SLC28A3: variants seen among roughly 807,000 people sequenced by gnomAD.
SLC28A3 encodes solute carrier family 28 member 3, also known as concentrative Na(+)-nucleoside cotransporter 3.
In SLC28A3, 68 loss-of-function variants were observed where a neutral mutation model predicts 84.2. The observed-to-expected ratio is 0.81, with a 90% CI of 0.66 to 0.99. The LOEUF is 0.99. SLC28A3 is among the 50% of genes least tolerant of loss of function. SLC28A3 has a pLI of 0.00. For missense variants in SLC28A3, 712 were observed against 841.5 expected (o/e 0.85, Z 1.90); for synonymous variants, 267 against 303.6 (o/e 0.88, Z 1.25).
At chr9:84,301,746 A>G (rs527640361) in intron 5 of SLC28A3, among the ~76,000 whole-genome samples, 3 of 152,236 alleles carry the variant, frequency 2.0e-5, no homozygotes, top group Non-Finnish European at 4.4e-5. Flanking sequence ...GTTGTTCCCT[A>G]TCTTGTGCCA....
chr9:84,322,613 G>T (rs905678551), intron 1 of SLC28A3, among the ~76,000 whole-genome samples: 1 of 152,160 alleles, frequency 6.6e-6, no homozygotes, highest in Non-Finnish European at 1.5e-5. Context: ...GGGAGGCTGA[G>T]GTGGGAGGAT....
chr9:84,283,930 A>T (rs2118075434), intron 14 of SLC28A3, among the ~76,000 whole-genome samples: 1 of 152,252 alleles, frequency 6.6e-6, no homozygotes, highest in East Asian at 1.9e-4. Flanking sequence ...GGAGAAACAA[A>T]ATGCCTTTCC....
At chr9:84,317,296 C>G (rs1826203498) in intron 1 of SLC28A3, among the ~76,000 whole-genome samples, 1 of 152,108 alleles carries the variant, frequency 6.6e-6, no homozygotes, top group Non-Finnish European at 1.5e-5. Context: ...GATTTGAACT[C>G]CAGATATTAA....
At chr9:84,343,467 G>A (rs1827203094), upstream of SLC28A3, among the ~76,000 whole-genome samples, 1 of 152,096 alleles carries the variant, frequency 6.6e-6, no homozygotes, top group African/African-American at 2.4e-5. Flanking sequence ...TATACATAAT[G>A]ATTAAAGGCT....
At chr9:84,290,338 G>T (rs1825165484) in intron 10 of SLC28A3, 59 bp from the exon 11 acceptor site, 7 of 1,588,276 alleles carry the variant, frequency 4.4e-6, no homozygotes, top group Non-Finnish European at 6.0e-6. Context: ...GCAGGGGAAG[G>T]CATGCCAATC....
At chr9:84,306,430 A>T (rs186427316) in intron 3 of SLC28A3, among the ~76,000 whole-genome samples, 1 of 152,152 alleles carries the variant, frequency 6.6e-6, no homozygotes, top group Admixed American at 6.5e-5. Context: ...ACTTCTAAAA[A>T]GTCTTCTTGC....
At chr9:84,351,836 G>GAGTATATCAC in the SLC28A3 span, among the ~76,000 whole-genome samples, 1 of 150,816 alleles carries the variant, frequency 6.6e-6, no homozygotes, top group Non-Finnish European at 1.5e-5. Flanking sequence ...GAGTATTTAG[G>GAGTATATCAC]AATAAAGTGA....
At chr9:84,310,443 A>G (rs1825951040) in intron 2 of SLC28A3, 1 of 985,298 alleles carries the variant, frequency 1.0e-6, no homozygotes, top group African/African-American at 1.7e-5. Context: ...GTCTCAAATA[A>G]TAAGCCTGGC....
At chr9:84,289,861 AT>A (rs11284071) in intron 11 of SLC28A3, 5,619 of 228,084 alleles carry the variant, frequency 0.025, 230 homozygotes, top group African/African-American at 0.095. Flanking sequence ...TGATGTAATA[AT>A]TTTTTTTTTA....
rs868753489 is a variant in SLC28A3, at chr9:84,286,012, C to T, written c.1380G>A (p.Leu460=). Residue 460 remains leucine, a synonymous_variant, in exon 13 of 18, where the codon CTG becomes CTA. Transcript: ENST00000376238. ...ACAGGGCTGAATTCATAAAAGACAG[C>T]AGGGCCAGGAAGGCAATCAGATTCA... ...IAVNLIAFLA[L]LSFMNSALSW... is the part of the protein sequence containing the mutation. The T allele has an allele frequency of 6.2e-7, 1 of 1,614,028 alleles. No individual in the cohort carries two copies.
intron 1 of SLC28A3, among the ~76,000 whole-genome samples, chr9:84,338,724 T>C (rs1827061921): frequency 6.6e-6 from 1 of 152,132 alleles, no homozygotes; most frequent in Non-Finnish European, 1.5e-5. Context: ...TCTGACTCTA[T>C]CCAATTCCAT....
At chr9:84,290,332 G>C in intron 10 of SLC28A3, 53 bp from the exon 11 acceptor site, 1 of 1,595,858 alleles carries the variant, frequency 6.3e-7, no homozygotes, top group South Asian at 1.1e-5. Flanking sequence ...GTGGGGGCAG[G>C]GGAAGGCATG....
At chr9:84,366,822 G>A in the SLC28A3 span, among the ~76,000 whole-genome samples, 1 of 152,170 alleles carries the variant, frequency 6.6e-6, no homozygotes, top group Non-Finnish European at 1.5e-5. Context: ...CACTGTGACT[G>A]TGCTGGGTCA....
In SLC28A3 at chr9:84,285,345, T is replaced by G; in HGVS notation, c.1647A>C (p.Ser549=). Residue 549 remains serine, a splice_region_variant and synonymous_variant, in exon 14 of 18, where the codon TCA becomes TCC. Coordinates refer to ENST00000376238, the MANE Select transcript of SLC28A3 (RefSeq NM_001199633.2). ...KFVNGVQQYI[S]IRSEIIATYA... is the part of the protein sequence containing the mutation. ...CTGAGAAATTAAAATATTTACTCAC[T>G]GATATATATTGCTGCACACCGTTTA... is the stretch of plus-strand genomic sequence containing the variant. 2 of 1,613,538 alleles carry G rather than the reference T, an allele frequency of 1.2e-6. No individual in the cohort carries two copies. Among genetic ancestry groups the G allele is most frequent in the Non-Finnish European group, 8.5e-7 (1 of 1,179,534 alleles).
intron 7 of SLC28A3, 54 bp downstream of exon 7, chr9:84,297,852 C>T: frequency 7.0e-7 from 1 of 1,427,016 alleles, no homozygotes; most frequent in Non-Finnish European, 9.6e-7. Context: ...TTGAGGATTA[C>T]CTCCAATGTT....
rs58037819 is a variant in SLC28A3 at position 84,282,233 on chromosome 9, C to T, written c.1648-1351G>A. Among the ~76,000 whole-genome samples the T allele has an allele frequency of 7.1e-3, 1,072 of 151,242 alleles. 11 individuals are homozygous for T. The highest frequency in any genetic ancestry group is 0.025 in the African/African-American group (1,022 of 41,216). ...TATTGGTTGCCTGGGACTAGGTCTT[C>T]GGATGGGGATGGGAGTGGGGTTGTT... On this transcript the variant is annotated intron_variant, in intron 14 of 17. Coordinates refer to ENST00000376238, the MANE Select transcript of SLC28A3 (RefSeq NM_001199633.2).
chr9:84,333,108 G>A (rs1826849014), intron 1 of SLC28A3, among the ~76,000 whole-genome samples: 1 of 152,172 alleles, frequency 6.6e-6, no homozygotes, highest in Admixed American at 6.5e-5. Context: ...GGGATAGTGA[G>A]AAGCACACAG....
chr9:84,344,232 C>T (rs1229129808), upstream of SLC28A3, among the ~76,000 whole-genome samples: 1 of 147,898 alleles, frequency 6.8e-6, no homozygotes, highest in Non-Finnish European at 1.5e-5. Flanking sequence ...CTCTGTTGCC[C>T]AGGCTGGAGT....
intron 8 of SLC28A3, among the ~76,000 whole-genome samples, chr9:84,295,730 A>T (rs949949948): frequency 1.3e-5 from 2 of 152,030 alleles, no homozygotes; most frequent in Non-Finnish European, 2.9e-5. Context: ...GACCACAAAG[A>T]GCTGTGGGCT....
Sources: allele counts gnomAD v4.1 joint callset (sites outside exome capture counted in the v4.1 genomes callset), GRCh38; gene constraint gnomAD v4.1.1; transcripts MANE v1.5; gene names NCBI Gene and HGNC (gene_info 2026-07-23, HGNC 2026-07-21).